The following AGMO variants were observed in gnomAD, a reference collection of about 807,000 sequenced individuals.
The protein encoded by AGMO is alkylglycerol monooxygenase, also known as glyceryl-ether monooxygenase.
In AGMO, 75 loss-of-function variants were observed where a neutral mutation model predicts 60.2. That is an observed-to-expected ratio of 1.25 (90% CI 1.03 to 1.51). AGMO has a LOEUF of 1.51. Among genes scored for constraint, AGMO ranks in the 40% most tolerant of loss-of-function variants. The pLI, the probability that AGMO is intolerant of heterozygous loss-of-function variation, is 0.00. For missense variants in AGMO, 763 were observed against 525.5 expected (o/e 1.45, Z -4.42); for synonymous variants, 261 against 177.1 (o/e 1.47, Z -3.76).
chr7:15,306,566 C>T, intron 12 of AGMO: 1 of 346,876 alleles, frequency 2.9e-6, no homozygotes, highest in South Asian at 1.8e-5. Context: ...CAGAATATGA[C>T]TGTGTAAAAA....
At chr7:15,148,016 A>C in the AGMO span, among the ~76,000 whole-genome samples, 1 of 152,176 alleles carries the variant, frequency 6.6e-6, no homozygotes, top group Non-Finnish European at 1.5e-5. Flanking sequence ...ACTAAAGCAA[A>C]ACAGTCTTGC....
intron 2 of AGMO, among the ~76,000 whole-genome samples, chr7:15,557,076 T>C (rs11971689): frequency 0.014 from 2,161 of 152,114 alleles, 62 homozygotes; most frequent in African/African-American, 0.047. Flanking sequence ...TCTATCAACA[T>C]GGTAGGCACG....
At chr7:15,363,069 A>G (rs536967665) in intron 12 of AGMO, among the ~76,000 whole-genome samples, 1 of 152,330 alleles carries the variant, frequency 6.6e-6, no homozygotes, top group South Asian at 2.1e-4. Flanking sequence ...ACTGAATGGA[A>G]TAATACTAGT....
chr7:15,306,552 A>C, intron 12 of AGMO: 1 of 455,698 alleles, frequency 2.2e-6, no homozygotes, highest in Non-Finnish European at 4.5e-6. Context: ...AATTTCACTT[A>C]TAACAGAATA....
chr7:15,238,119 T>C (rs1275121880), intron 12 of AGMO, among the ~76,000 whole-genome samples: 1 of 152,102 alleles, frequency 6.6e-6, no homozygotes, highest in Non-Finnish European at 1.5e-5. Flanking sequence ...CCATTGGAGC[T>C]GAGGTCAATT....
chr7:15,145,797 C>T, the AGMO span, among the ~76,000 whole-genome samples: 2 of 152,018 alleles, frequency 1.3e-5, no homozygotes, highest in South Asian at 4.1e-4. Context: ...CACAATTACG[C>T]CATACAAATT....
At chr7:15,246,928 C>T (rs1196402232) in intron 12 of AGMO, among the ~76,000 whole-genome samples, 1 of 152,072 alleles carries the variant, frequency 6.6e-6, no homozygotes, top group Non-Finnish European at 1.5e-5. Flanking sequence ...CCGCTCAGCC[C>T]CCAAGTAGCT....
In AGMO at chr7:15,279,500, C is replaced by G. The variant is rs1333755861; in HGVS notation, c.1264-78141G>C. Among the ~76,000 whole-genome samples the G allele has an allele frequency of 2.6e-5, 4 of 151,856 alleles. No individual in the cohort carries two copies. In the East Asian group the frequency reaches 7.8e-4, roughly 30 times the overall value. On this transcript the variant is annotated intron_variant, in intron 12 of 12. Coordinates refer to ENST00000342526, the MANE Select transcript of AGMO (RefSeq NM_001004320.2). Reference sequence around the variant, plus strand: ...TTTTATTTTTTTTAATAAGCTTTTTCAAAACATGAAACTGATTTGTTTTGT... The same window carrying G: ...TTTTATTTTTTTTAATAAGCTTTTTGAAAACATGAAACTGATTTGTTTTGT...
At chr7:15,234,415 C>A (rs143835808) in intron 12 of AGMO, among the ~76,000 whole-genome samples, 2 of 152,204 alleles carry the variant, frequency 1.3e-5, no homozygotes, top group Admixed American at 1.3e-4. Flanking sequence ...CTGCTGATGG[C>A]TTAGTTCACT....
At chr7:15,388,993 C>T (rs1483171235) in intron 8 of AGMO, among the ~76,000 whole-genome samples, 1 of 152,174 alleles carries the variant, frequency 6.6e-6, no homozygotes, top group African/African-American at 2.4e-5. Context: ...TTTCTGACCA[C>T]CATTCCTCTC....
chr7:15,463,070 A>G (rs1782187337), intron 3 of AGMO, among the ~76,000 whole-genome samples: 2 of 152,168 alleles, frequency 1.3e-5, no homozygotes, highest in Admixed American at 1.3e-4. Flanking sequence ...ATAAGATATA[A>G]AAATAAGTAC....
In AGMO at chr7:15,304,267, C is replaced by G. The variant is rs377085753; in HGVS notation, c.1263+61247G>C. Among the ~76,000 whole-genome samples, 7 of 152,220 alleles carry G rather than the reference C, an allele frequency of 4.6e-5. No individual in the cohort carries two copies. The East Asian group carries it at 7.7e-4, about 17-fold the overall frequency. On this transcript the variant is annotated intron_variant, in intron 12 of 12. Transcript: ENST00000342526. ...TTTCATCTTTTAAAGTCTCTTTCAT[C>G]CCTTTCTCTTCTCCAGCTCTCTCGA... is the stretch of plus-strand genomic sequence containing the variant.
chr7:15,169,803 C>G, the AGMO span, among the ~76,000 whole-genome samples: 1 of 152,202 alleles, frequency 6.6e-6, no homozygotes, highest in African/African-American at 2.4e-5. Context: ...CAAGTCCCAT[C>G]TGCAGACAAG....
In AGMO at chr7:15,215,551, C is replaced by G. The variant is rs73679448; in HGVS notation, c.1264-14192G>C. On this transcript the variant is annotated intron_variant, in intron 12 of 12. Transcript: ENST00000342526. ...GAACAGATGTGTTTTATAGAGACTGCAAAATGAAGGGGGTCTGCATATTGT... is the reference window on the plus strand; with the variant it reads ...GAACAGATGTGTTTTATAGAGACTGGAAAATGAAGGGGGTCTGCATATTGT... Among the ~76,000 whole-genome samples, 318 of 151,950 alleles carry G rather than the reference C, an allele frequency of 2.1e-3. 1 individual carries two copies. The highest frequency in any genetic ancestry group is 7.3e-3 in the African/African-American group (302 of 41,414).
the AGMO span, among the ~76,000 whole-genome samples, chr7:15,187,501 C>T: frequency 2.6e-5 from 4 of 152,312 alleles, no homozygotes; most frequent in East Asian, 3.9e-4. Context: ...CCTTTCATCA[C>T]GTTAGTCATA....
intron 5 of AGMO, among the ~76,000 whole-genome samples, chr7:15,406,367 CACAT>C (rs1354616097): frequency 7.2e-6 from 1 of 138,444 alleles, no homozygotes; most frequent in East Asian, 2.1e-4. Flanking sequence ...TGTATATACA[CACAT>C]ACATATGAAT....
At chr7:15,515,579 G>C (rs1040683366) in intron 3 of AGMO, among the ~76,000 whole-genome samples, 1 of 152,220 alleles carries the variant, frequency 6.6e-6, no homozygotes, top group Admixed American at 6.5e-5. Flanking sequence ...CAATTTTGCT[G>C]TATATGAATG....
At chr7:15,226,261 A>G (rs1223618682) in intron 12 of AGMO, among the ~76,000 whole-genome samples, 2 of 152,118 alleles carry the variant, frequency 1.3e-5, no homozygotes, top group African/African-American at 4.8e-5. Flanking sequence ...CTAGCTCCAT[A>G]TCTAAATCAG....
chr7:15,381,847 A>C (rs1817915158), intron 10 of AGMO, among the ~76,000 whole-genome samples: 1 of 152,202 alleles, frequency 6.6e-6, no homozygotes. Flanking sequence ...AGCCACCAAA[A>C]ACAATGAGGT....
Sources: gnomAD v4.1 joint callset for allele counts (sites outside exome capture counted in the v4.1 genomes callset) on GRCh38, gnomAD v4.1.1 for gene constraint, MANE v1.5 for transcripts, NCBI Gene and HGNC (gene_info 2026-07-23, HGNC 2026-07-21) for gene names.